Variants in MCF2L2 observed in about 807,000 individuals in gnomAD.
MCF2L2 encodes the protein probable guanine nucleotide exchange factor MCF2L2.
Under a neutral mutation model 150.2 loss-of-function variants are expected in MCF2L2, and 102 were observed. The observed-to-expected ratio is 0.68, with a 90% CI of 0.58 to 0.80. MCF2L2 has a LOEUF of 0.80. Ranked by LOEUF, MCF2L2 falls within the 30% of genes least tolerant of loss-of-function variation. MCF2L2 has a pLI of 0.00. For missense variants in MCF2L2, 1,256 were observed against 1,372.8 expected (o/e 0.91, Z 1.34); for synonymous variants, 465 against 491.3 (o/e 0.95, Z 0.71).
At chr3:183,356,645 T>C (rs1577087598) in intron 3 of MCF2L2, among the ~76,000 whole-genome samples, 1 of 152,220 alleles carries the variant, frequency 6.6e-6, no homozygotes, top group East Asian at 1.9e-4. Context: ...CAAGTGCAAG[T>C]ACCTTGGTTA....
At chr3:183,239,458 T>G (rs1019365185) in intron 15 of MCF2L2, among the ~76,000 whole-genome samples, 1 of 138,336 alleles carries the variant, frequency 7.2e-6, no homozygotes, top group African/African-American at 2.6e-5. Flanking sequence ...GAAAGGAATA[T>G]GCTAAAAAAA....
chr3:183,328,022 T>C (rs191700152), intron 5 of MCF2L2, among the ~76,000 whole-genome samples: 4 of 152,204 alleles, frequency 2.6e-5, no homozygotes, highest in Admixed American at 2.6e-4. Context: ...AAATAAGTGA[T>C]TATAATTTGG....
At chr3:183,379,714 T>C (rs1713405072) in intron 2 of MCF2L2, among the ~76,000 whole-genome samples, 1 of 152,194 alleles carries the variant, frequency 6.6e-6, no homozygotes, top group African/African-American at 2.4e-5. Flanking sequence ...ATATGTAATA[T>C]TGCTCTTCAT....
At chr3:183,355,325 G>A (rs1380319278) in intron 3 of MCF2L2, among the ~76,000 whole-genome samples, 2 of 152,108 alleles carry the variant, frequency 1.3e-5, no homozygotes, top group Non-Finnish European at 2.9e-5. Flanking sequence ...CTTAGAAAAT[G>A]GAGGGGAAAA....
chr3:183,420,466 C>T (rs59002510), intron 1 of MCF2L2, among the ~76,000 whole-genome samples: 12,897 of 152,128 alleles, frequency 0.085, 571 homozygotes, highest in African/African-American at 0.095. Context: ...GGCGTTGTGG[C>T]GGTCACCTGT....
At chr3:183,218,351 C>G (rs181162729) in intron 21 of MCF2L2, among the ~76,000 whole-genome samples, 31 of 152,308 alleles carry the variant, frequency 2.0e-4, no homozygotes, top group Non-Finnish European at 3.8e-4. Context: ...ATTAAGAGTT[C>G]TTGGCAGGGC....
chr3:183,302,189 G>A (rs1219685384), intron 10 of MCF2L2, among the ~76,000 whole-genome samples: 1 of 152,192 alleles, frequency 6.6e-6, no homozygotes, highest in African/African-American at 2.4e-5. Context: ...AGAAGCTTGT[G>A]CCTGGTTTCC....
At chr3:183,216,193 C>T in intron 21 of MCF2L2, 99 bp from the exon 22 acceptor site, 1 of 1,308,080 alleles carries the variant, frequency 7.6e-7, no homozygotes, top group South Asian at 1.3e-5. Flanking sequence ...ATCCAGCCAA[C>T]CCTGACTGAG....
chr3:183,403,185 T>C (rs1577127971), intron 1 of MCF2L2, among the ~76,000 whole-genome samples: 1 of 151,994 alleles, frequency 6.6e-6, no homozygotes, highest in South Asian at 2.1e-4. Flanking sequence ...GGCAGGAGAA[T>C]CACCTGAATC....
intron 1 of MCF2L2, among the ~76,000 whole-genome samples, chr3:183,401,522 A>T (rs575065057): frequency 3.9e-5 from 6 of 152,358 alleles, no homozygotes; most frequent in African/African-American, 1.4e-4. Context: ...AAAAGAATAC[A>T]TCCATGTAAC....
rs201080262 is a variant in MCF2L2, at chr3:183,216,059, T to C, written c.2406A>G (p.Ser802=). 60 of 1,613,912 alleles carry C rather than the reference T, an allele frequency of 3.7e-5. No individual in the cohort carries two copies. The East Asian group carries it at 1.2e-3, about 34-fold the overall frequency. The change falls in exon 22 of 30, where the codon TCA becomes TCG. Residue 802 remains serine, a synonymous_variant. Coordinates refer to ENST00000328913, the MANE Select transcript of MCF2L2 (RefSeq NM_015078.4). Reference sequence around the variant, plus strand: ...CTGCCAAAGCTTGTTGTAGTTCAGTTGAGAATGCTGAATCTTTGGTTCTCT... The same window carrying C: ...CTGCCAAAGCTTGTTGTAGTTCAGTCGAGAATGCTGAATCTTTGGTTCTCT... ...GPKRTKDSAF[S]TELQQALAVI...
chr3:183,381,189 CA>C (rs2108589075), intron 2 of MCF2L2, among the ~76,000 whole-genome samples: 1 of 152,316 alleles, frequency 6.6e-6, no homozygotes, highest in African/African-American at 2.4e-5. Flanking sequence ...AGGCCAACTA[CA>C]AATGACTGAA....
chr3:183,216,936 C>A (rs1722965775), intron 21 of MCF2L2, among the ~76,000 whole-genome samples: 1 of 151,372 alleles, frequency 6.6e-6, no homozygotes, highest in African/African-American at 2.4e-5. Flanking sequence ...ATGGAAAAAC[C>A]TAGCTCCTTT....
intron 25 of MCF2L2, among the ~76,000 whole-genome samples, chr3:183,205,250 G>T (rs535900008): frequency 1.3e-5 from 2 of 152,060 alleles, no homozygotes; most frequent in Non-Finnish European, 2.9e-5. Context: ...GTGTTGGCGC[G>T]CCTGTAGTCC....
At chr3:183,235,341 G>A (rs34171378) in intron 15 of MCF2L2, among the ~76,000 whole-genome samples, 25 of 62,542 alleles carry the variant, frequency 4.0e-4, no homozygotes, top group Admixed American at 6.5e-4. Flanking sequence ...CTATTTCTCC[G>A]CATCCTCTCC....
At position 183,179,557 on chromosome 3, in the gene MCF2L2, C is replaced by G; in HGVS notation, c.3221+20G>C. 6.2e-7 allele frequency: 1 copy of G among 1,613,688 alleles called. No homozygotes were observed. ...GCCGTGGCCCAAAGAGGCGCTTAGT[C>G]TTTCCTCGCTCACACTCACGTTTCC... On this transcript the variant is annotated intron_variant, in intron 29 of 29. Transcript: ENST00000328913. The surrounding 1 kb of genome is among the most constrained non-coding windows in gnomAD (Gnocchi z 4.2).
At chr3:183,410,948 T>C (rs1715288677) in intron 1 of MCF2L2, among the ~76,000 whole-genome samples, 2 of 152,180 alleles carry the variant, frequency 1.3e-5, no homozygotes, top group South Asian at 4.1e-4. Flanking sequence ...AGAGAACAGC[T>C]GTCTTAGCTC....
chr3:183,269,027 AAAAG>A (rs1201171038), intron 15 of MCF2L2, among the ~76,000 whole-genome samples: 1 of 152,102 alleles, frequency 6.6e-6, no homozygotes, highest in Non-Finnish European at 1.5e-5. Flanking sequence ...AAAAAAAGAA[AAAAG>A]AAGTCTTACT....
intron 5 of MCF2L2, among the ~76,000 whole-genome samples, chr3:183,336,573 C>T (rs548888900): frequency 1.3e-5 from 2 of 151,994 alleles, no homozygotes; most frequent in Non-Finnish European, 2.9e-5. Context: ...CCTAGCCGGG[C>T]GTGGTGGCTC....
Sources: gnomAD v4.1 joint callset for allele counts (sites outside exome capture counted in the v4.1 genomes callset) on GRCh38, gnomAD v4.1.1 for gene constraint, Gnocchi (gnomAD v3.1) non-coding constraint, MANE v1.5 for transcripts, NCBI Gene and HGNC (gene_info 2026-07-23, HGNC 2026-07-21) for gene names.